Variants in PNN observed in about 807,000 individuals in gnomAD.
PNN encodes the protein pinin, desmosome associated protein.
Under a neutral mutation model 76.6 loss-of-function variants are expected in PNN, and 38 were observed. That is an observed-to-expected ratio of 0.50 (90% CI 0.38 to 0.65). PNN has a LOEUF of 0.65. Among genes scored for constraint, PNN ranks in the 30% least tolerant of loss-of-function variants. The pLI is 0.00. For missense variants in PNN, 873 were observed against 874.1 expected, an observed-to-expected ratio of 1.00 and a Z score of 0.02; for synonymous variants, 366 against 283.7, an observed-to-expected ratio of 1.29 and a Z score of -2.91.
Position 39,180,947 on chromosome 14 carries a change from G to C in PNN, c.1238G>C (p.Ser413Thr), listed in dbSNP as rs1475178443. ...QEVMETNRVE[S>T]VEPSENEASK... is the part of the protein sequence containing the mutation. ...GTAATGGAAACTAATCGAGTTGAAA[G>C]TGTAGAACCTTCAGAAAATGAAGCT... Residue 413 changes from serine (S) to threonine (T), a missense_variant, in exon 9 of 9, where the codon AGT (serine) becomes ACT (threonine). Physicochemically the swap from Ser to Thr is moderately conservative, Grantham distance 58. Coordinates refer to ENST00000216832, the MANE Select transcript of PNN (RefSeq NM_002687.4). 6.2e-7 allele frequency: 1 copy of C among 1,613,942 alleles called. No homozygotes were observed. Among genetic ancestry groups the C allele is most frequent in the African/African-American group, 1.3e-5 (1 of 74,924 alleles).
chr14:39,181,489 A>G lies in PNN; in HGVS notation c.1780A>G (p.Ser594Gly), dbSNP rs932702006. ...SSSSTSSSSG[S>G]SSSSGSSSSR... ...CAGTTCAACCAGTAGCAGCAGTGGA[A>G]GTAGTTCCAGCAGTGGAAGTAGTAG... Residue 594 changes from serine (S) to glycine (G), a missense_variant, in exon 9 of 9, where the codon AGT becomes GGT. By Grantham distance (56) the Ser-to-Gly change is moderately conservative. Transcript: ENST00000216832. The G allele has an allele frequency of 1.2e-6, 2 of 1,603,908 alleles. No individual in the cohort carries two copies. The highest frequency in any genetic ancestry group is 1.7e-6 in the Non-Finnish European group (2 of 1,174,994).
chr14:39,179,701 G>C (rs1354896356), intron 8 of PNN, among the ~76,000 whole-genome samples: 1 of 151,850 alleles, frequency 6.6e-6, no homozygotes, highest in Non-Finnish European at 1.5e-5. Context: ...AGACCATCCC[G>C]GCTAACATGG....
In PNN at chr14:39,181,796, G is replaced by T. The variant is rs760171900; in HGVS notation, c.2087G>T (p.Arg696Leu). 1.9e-6 allele frequency: 3 copies of T among 1,613,142 alleles called. No homozygotes were observed. Among genetic ancestry groups the T allele is most frequent in the African/African-American group, 2.7e-5 (2 of 74,950 alleles). ...DRKRSISESS[R>L]SGKRSSRSER... The stretch of plus-strand genomic sequence containing the variant: ...AAGAGGTCTATATCAGAGAGTAGTC[G>T]ATCAGGCAAAAGATCTTCAAGAAGT... The change falls in exon 9 of 9, where the codon CGA becomes CTA. Residue 696 changes from arginine (R) to leucine (L), a missense_variant. Transcript: ENST00000216832.
At position 39,178,337 on chromosome 14, in the gene PNN, G is replaced by A. The variant is rs151245536; in HGVS notation, c.498+421G>A. Among the ~76,000 whole-genome samples, 25 of 152,228 alleles carry A rather than the reference G, an allele frequency of 1.6e-4. No individual in the cohort carries two copies. In the East Asian group the frequency reaches 2.9e-3, roughly 18 times the overall value. On this transcript the variant is annotated intron_variant, in intron 6 of 8. Coordinates refer to ENST00000216832, the MANE Select transcript of PNN (RefSeq NM_002687.4). Reference sequence around the variant, plus strand: ...TGAGGTCAGAAGTTTTTCGAGACCAGCCTGGCCAACATGGTGAAACCCTGT... The same window carrying A: ...TGAGGTCAGAAGTTTTTCGAGACCAACCTGGCCAACATGGTGAAACCCTGT...
In PNN at chr14:39,180,829, G is replaced by A. The variant is rs1381828860; in HGVS notation, c.1120G>A (p.Glu374Lys). ...GATGGAGGAGGAAACTGAGGTAAGG[G>A]AAAGTGAGAAGCAGCAGGATAGTCA... ...VKMEEETEVR[E>K]SEKQQDSQPE... The change falls in exon 9 of 9, where the codon GAA becomes AAA. Residue 374 changes from glutamate to lysine, a missense_variant. Transcript: ENST00000216832. 1.9e-6 allele frequency: 3 copies of A among 1,614,050 alleles called. No homozygotes were observed. The highest frequency in any genetic ancestry group is 1.1e-5 in the South Asian group (1 of 91,062).
At position 39,181,549 on chromosome 14, in the gene PNN, A is replaced by G; in HGVS notation, c.1840A>G (p.Ser614Gly). The change falls in exon 9 of 9, where the codon AGT becomes GGT. Residue 614 changes from serine to glycine, a missense_variant. Ser to Gly is a moderately conservative substitution (Grantham distance 56, BLOSUM62 0). Coordinates refer to ENST00000216832, the MANE Select transcript of PNN (RefSeq NM_002687.4). The stretch of plus-strand genomic sequence containing the variant: ...TAGTTCCAGTAGCAGCTCCAGTACA[A>G]GTGGCAGCAGCAGCAGAGATAGTAG... The part of the protein sequence containing the change: ...RSSSSSSSST[S>G]GSSSRDSSSS... 1 of 1,608,834 alleles carries G rather than the reference A, an allele frequency of 6.2e-7. No homozygotes were observed. The highest frequency in any genetic ancestry group is 8.5e-7 in the Non-Finnish European group (1 of 1,177,516).
chr14:39,181,394 G>C lies in PNN; in HGVS notation c.1685G>C (p.Ser562Thr). 1 of 1,614,216 alleles carries C rather than the reference G, an allele frequency of 6.2e-7. No homozygotes were observed. The change falls in exon 9 of 9, where the codon AGT (serine) becomes ACT (threonine). Residue 562 changes from serine (S) to threonine (T), a missense_variant. Around this residue, in one of 3 missense-constraint regions of PNN, gnomAD observed 712 missense variants for 693.1 expected, o/e 1.03. Coordinates refer to ENST00000216832, the MANE Select transcript of PNN (RefSeq NM_002687.4). ...SKSKTKTRSR[S>T]RGRARNKTSK... ...AGCAAAACCAAAACTAGGAGCAGAAGTAGAGGTCGAGCTAGAAATAAAACA... is the reference window on the plus strand; with the variant it reads ...AGCAAAACCAAAACTAGGAGCAGAACTAGAGGTCGAGCTAGAAATAAAACA...
intron 3 of PNN, 65 bp downstream of exon 3, chr14:39,176,660 T>C: frequency 1.1e-6 from 1 of 893,504 alleles, no homozygotes; most frequent in African/African-American, 1.7e-5. Context: ...AATATAAATG[T>C]TTATTAACAA....
At chr14:39,179,026 CAT>C (rs1156253227) in intron 6 of PNN, 63 bp from the exon 7 acceptor site, 1 of 1,433,332 alleles carries the variant, frequency 7.0e-7, no homozygotes, top group East Asian at 2.3e-5. Flanking sequence ...GAACTGAAAT[CAT>C]ATATACCTTT....
chr14:39,182,555 C>A lies in PNN; in HGVS notation c.*692C>A, dbSNP rs976167238. ...AACAGTATGATCTGGTTGGCATTTT[C>A]TTCCTGATGATGGGAGCGTCATTCT... is the stretch of plus-strand genomic sequence containing the variant. On this transcript the variant is annotated 3_prime_UTR_variant, in exon 9 of 9. Coordinates refer to ENST00000216832, the MANE Select transcript of PNN (RefSeq NM_002687.4). 2 of 152,536 alleles carry A rather than the reference C, an allele frequency of 1.3e-5. No individual in the cohort carries two copies. Among genetic ancestry groups the A allele is most frequent in the African/African-American group, 4.8e-5 (2 of 41,458 alleles). The allele number at this position is 152,536 out of a possible 1,614,324, so 9.4% of individuals were successfully genotyped here. A position where few individuals can be genotyped will look rare whatever the true frequency, so the allele number is the denominator to read the frequency against.
chr14:39,180,361 CTTAA>C, intron 8 of PNN, 138 bp from the exon 9 acceptor site: 2 of 800,380 alleles, frequency 2.5e-6, no homozygotes, highest in Non-Finnish European at 3.7e-6. Flanking sequence ...TTTGTGGTTA[CTTAA>C]TTGCCATAAT....
intron 6 of PNN, 21 bp downstream of exon 6, chr14:39,177,937 T>C: frequency 6.9e-7 from 1 of 1,446,042 alleles, no homozygotes; most frequent in South Asian, 1.2e-5. Context: ...AAGTTTTGTT[T>C]TGCATCATAT....
At chr14:39,180,195 T>G (rs1427183591) in intron 8 of PNN, among the ~76,000 whole-genome samples, 2 of 152,240 alleles carry the variant, frequency 1.3e-5, no homozygotes, top group African/African-American at 4.8e-5. Context: ...TATGATTTTA[T>G]GCCAAAACTG....
In PNN at chr14:39,179,180, T is replaced by G. The variant is rs1285220841; in HGVS notation, c.588T>G (p.Phe196Leu). Residue 196 changes from phenylalanine (F) to leucine (L), a missense_variant, in exon 7 of 9, where the codon TTT becomes TTG. By Grantham distance (22) the Phe-to-Leu change is conservative. Transcript: ENST00000216832. ...TTGAAAATGAAAGGAGAGAACTGTT[T>G]GAAGAGAGGCGTGCTAAACAGACAG... ...KQVENERREL[F>L]EERRAKQTEL... is the part of the protein sequence containing the mutation. 6.2e-7 allele frequency: 1 copy of G among 1,614,008 alleles called. No individual in the cohort carries two copies. Among genetic ancestry groups the G allele is most frequent in the Non-Finnish European group, 8.5e-7 (1 of 1,180,028 alleles).
Position 39,179,109 on chromosome 14 carries a change from A to G in PNN, c.517A>G (p.Ile173Val). The change falls in exon 7 of 9, where the codon ATT becomes GTT. Residue 173 changes from isoleucine (I) to valine (V), a missense_variant. Physicochemically the swap from Ile to Val is conservative, Grantham distance 29. Transcript: ENST00000216832. ...ATERQKRRQE[I>V]EQKLEVQAEE... The stretch of plus-strand genomic sequence containing the variant: ...CTTTTAGCAAAAGCGGCGCCAGGAA[A>G]TTGAACAAAAACTTGAAGTTCAGGC... 1 of 1,610,580 alleles carries G rather than the reference A, an allele frequency of 6.2e-7. No homozygotes were observed. Among genetic ancestry groups the G allele is most frequent in the Admixed American group, 1.7e-5 (1 of 58,858 alleles).
intron 4 of PNN, 39 bp from the exon 5 acceptor site, chr14:39,177,554 A>G (rs1380420377): frequency 2.5e-6 from 4 of 1,592,618 alleles, no homozygotes; most frequent in Non-Finnish European, 3.4e-6. Context: ...CACACCACTC[A>G]TATGCTAGTT....
chr14:39,181,533 T>C lies in PNN; in HGVS notation c.1824T>C (p.Ser608=). 6.2e-7 allele frequency: 1 copy of C among 1,604,326 alleles called. No homozygotes were observed. The highest frequency in any genetic ancestry group is 1.7e-5 in the Admixed American group (1 of 57,688). The change falls in exon 9 of 9, where the codon AGT becomes AGC. Residue 608 remains serine (S), a synonymous_variant. Coordinates refer to ENST00000216832, the MANE Select transcript of PNN (RefSeq NM_002687.4). ...SGSSSSRSSS[S]SSSSTSGSSS... ...GTAGTAGCAGTCGCAGTAGTTCCAG[T>C]AGCAGCTCCAGTACAAGTGGCAGCA...
intron 6 of PNN, chr14:39,178,863 C>G (rs910838080): frequency 2.5e-5 from 10 of 392,624 alleles, no homozygotes; most frequent in Non-Finnish European, 3.6e-5. Flanking sequence ...TTCGGCCTCC[C>G]AAGTAGCTGG....
At chr14:39,176,954 T>C (rs1243460880) in intron 3 of PNN, among the ~76,000 whole-genome samples, 1 of 152,208 alleles carries the variant, frequency 6.6e-6, no homozygotes, top group African/African-American at 2.4e-5. Context: ...GTTCACACAT[T>C]GTAGTATCCT....
Sources: allele counts gnomAD v4.1 joint callset (sites outside exome capture counted in the v4.1 genomes callset), GRCh38; gene constraint gnomAD v4.1.1; regional missense constraint gnomAD v4.1.1; transcripts MANE v1.5; gene names NCBI Gene and HGNC (gene_info 2026-07-23, HGNC 2026-07-21).